The following AFDN variants were observed in gnomAD, a reference collection of about 807,000 sequenced individuals.
AFDN encodes the protein afadin, adherens junction formation factor.
In AFDN, 68 loss-of-function variants were observed where a neutral mutation model predicts 216.6. That is an observed-to-expected ratio of 0.31 (90% CI 0.26 to 0.38). The LOEUF is 0.38. Among genes scored for constraint, AFDN ranks in the 10% least tolerant of loss-of-function variants. The pLI, the probability that AFDN is intolerant of heterozygous loss-of-function variation, is 1.00. For missense variants in AFDN, 2,136 were observed against 2,342.0 expected (o/e 0.91, Z 1.82); for synonymous variants, 868 against 853.7 (o/e 1.02, Z -0.29).
chr6:167,871,793 CTAT>C (rs1347067675), intron 3 of AFDN, among the ~76,000 whole-genome samples: 1 of 152,120 alleles, frequency 6.6e-6, no homozygotes, highest in African/African-American at 2.4e-5. Context: ...GGCGATTTGT[CTAT>C]TATTCACTCT....
chr6:167,867,268 T>C (rs1372953756), intron 2 of AFDN, among the ~76,000 whole-genome samples: 1 of 152,228 alleles, frequency 6.6e-6, no homozygotes, highest in Non-Finnish European at 1.5e-5. Context: ...AATTTTGGTT[T>C]ATGGAAGGAA....
chr6:167,964,224 CT>C (rs1797312319), intron 31 of AFDN: 9 of 1,064,108 alleles, frequency 8.5e-6, no homozygotes, highest in Non-Finnish European at 1.0e-5. Context: ...ATGTCCAAAA[CT>C]CATGGGTTTG....
chr6:167,951,801 A>G lies in AFDN; in HGVS notation c.4447A>G (p.Thr1483Ala). ...KPSTLQRPQETVIRELQPQQQ... is the reference protein window; with the variant it reads ...KPSTLQRPQEAVIRELQPQQQ... The stretch of plus-strand genomic sequence containing the variant: ...TTCCACACTCCAGCGGCCACAGGAA[A>G]CAGTCATTCGGGAGCTGCAGCCTCA... The change falls in exon 30 of 34, where the codon ACA becomes GCA. Residue 1483 changes from threonine to alanine, a missense_variant. Around this residue, in one of 8 missense-constraint regions of AFDN, gnomAD observed 981 missense variants for 966.0 expected, o/e 1.02. Transcript: ENST00000683244. The surrounding 1 kb of genome is among the most constrained non-coding windows in gnomAD (Gnocchi z 7.1). 6.2e-7 allele frequency: 1 copy of G among 1,614,124 alleles called. No homozygotes were observed. Among genetic ancestry groups the G allele is most frequent in the Non-Finnish European group, 8.5e-7 (1 of 1,180,030 alleles).
intron 12 of AFDN, 74 bp downstream of exon 12, chr6:167,902,460 G>A: frequency 3.6e-6 from 4 of 1,110,342 alleles, no homozygotes; most frequent in Non-Finnish European, 5.4e-6. Context: ...TAGTGGTGGG[G>A]GATGTGTTCC....
chr6:167,954,981 G>A lies in AFDN; in HGVS notation c.4833+2794G>A, dbSNP rs1485439067. ...TATGTTTTCTTTAATAATATAACAT[G>A]GATTTTAATTCAGTTTATCAGCCAT... On this transcript the variant is annotated intron_variant, in intron 30 of 33. Transcript: ENST00000683244. Among the ~76,000 whole-genome samples the A allele has an allele frequency of 3.7e-5, 5 of 135,756 alleles. No individual in the cohort carries two copies. In the East Asian group the frequency reaches 9.3e-4, roughly 25 times the overall value. 89.1% of individuals were successfully genotyped at this position (135,756 alleles called of 152,430 possible). A position where few individuals can be genotyped will look rare whatever the true frequency, so the allele number is the denominator to read the frequency against.
intron 2 of AFDN, among the ~76,000 whole-genome samples, chr6:167,865,916 T>C (rs892806247): frequency 6.6e-6 from 1 of 152,126 alleles, no homozygotes; most frequent in African/African-American, 2.4e-5. Flanking sequence ...CAGTAGTATG[T>C]AAGTCAGGCC....
chr6:167,954,135 T>C (rs554430014), intron 30 of AFDN, among the ~76,000 whole-genome samples: 169 of 152,376 alleles, frequency 1.1e-3, no homozygotes, highest in Admixed American at 2.9e-3. Context: ...TATGAAAATT[T>C]AGTAAAAAAT....
chr6:167,944,130 G>A, intron 26 of AFDN, 71 bp downstream of exon 26: 1 of 1,200,688 alleles, frequency 8.3e-7, no homozygotes, highest in East Asian at 2.3e-5. Context: ...AACCCCCATG[G>A]AGGAGGTACT....
chr6:167,844,220 T>G (rs1405285099), intron 1 of AFDN, among the ~76,000 whole-genome samples: 1 of 133,932 alleles, frequency 7.5e-6, no homozygotes. Flanking sequence ...GTGTGTGTGT[T>G]TTGAGATGAG....
intron 1 of AFDN, among the ~76,000 whole-genome samples, chr6:167,834,457 G>GGT (rs1554275698): frequency 0.017 from 1,243 of 75,304 alleles, 13 homozygotes; most frequent in Non-Finnish European, 0.024. Context: ...TGTTGTTTCG[G>GGT]TTTTTTTTTT....
At position 167,864,872 on chromosome 6, in the gene AFDN, A is replaced by G. The variant is rs187948033; in HGVS notation, c.301+126A>G. ...CCATCTTTCTTCTCTTTTGGTGGGT[A>G]GGAGAGTAGCTGGCAGGCTGAGAAA... is the stretch of plus-strand genomic sequence containing the variant. On this transcript the variant is annotated intron_variant, in intron 2 of 33. Transcript: ENST00000683244. 269 of 1,004,294 alleles carry G rather than the reference A, an allele frequency of 2.7e-4. 4 individuals carry two copies. In the Middle Eastern group the frequency reaches 0.011, roughly 39 times the overall value. 62.2% of individuals were successfully genotyped at this position (1,004,294 alleles called of 1,614,324 possible). A position where few individuals can be genotyped will look rare whatever the true frequency, so the allele number is the denominator to read the frequency against.
At chr6:167,874,897 G>A (rs150244163) in intron 4 of AFDN, among the ~76,000 whole-genome samples, 1,683 of 152,250 alleles carry the variant, frequency 0.011, 38 homozygotes, top group African/African-American at 0.039. Context: ...TTATAGGCAT[G>A]AGCCATCATG....
At chr6:167,839,602 C>T (rs1780825666) in intron 1 of AFDN, among the ~76,000 whole-genome samples, 1 of 152,148 alleles carries the variant, frequency 6.6e-6, no homozygotes, top group Admixed American at 6.5e-5. Context: ...CGGTAACTGG[C>T]ACTGAGATCT....
rs760098434 is a variant in AFDN, at chr6:167,896,951, G to T, written c.1296G>T (p.Lys432Asn). 5.6e-6 allele frequency: 9 copies of T among 1,612,510 alleles called. No homozygotes were observed. The highest frequency in any genetic ancestry group is 7.6e-6 in the Non-Finnish European group (9 of 1,178,572). Residue 432 changes from lysine (K) to asparagine (N), a missense_variant, in exon 10 of 34, where the codon AAG becomes AAT. This residue lies in a region of AFDN where 817 missense variants were observed against 965.7 expected (regional missense o/e 0.85). Transcript: ENST00000683244. ...QLSVTEVGTE[K>N]LDDNSIQLFG... is the part of the protein sequence containing the mutation. ...GTGTTACTGAAGTTGGGACAGAAAA[G>T]TTGGATGACAACTCTATCCAGGTAC...
intron 1 of AFDN, among the ~76,000 whole-genome samples, chr6:167,840,291 T>A (rs890041282): frequency 6.6e-6 from 1 of 152,246 alleles, no homozygotes; most frequent in Non-Finnish European, 1.5e-5. Flanking sequence ...TGCAGGCCCA[T>A]TTTGTGGCTT....
intron 11 of AFDN, among the ~76,000 whole-genome samples, chr6:167,899,584 T>C (rs1358940247): frequency 6.6e-6 from 1 of 152,242 alleles, no homozygotes; most frequent in African/African-American, 2.4e-5. Context: ...AGTCATGATT[T>C]CATGCTTAGA....
intron 1 of AFDN, among the ~76,000 whole-genome samples, chr6:167,858,677 A>G (rs1359100914): frequency 6.6e-6 from 1 of 152,208 alleles, no homozygotes; most frequent in Non-Finnish European, 1.5e-5. Context: ...ATTTGATTTT[A>G]AAGACCACAT....
intron 1 of AFDN, among the ~76,000 whole-genome samples, chr6:167,830,649 C>G (rs1363409802): frequency 6.6e-6 from 1 of 152,186 alleles, no homozygotes; most frequent in Admixed American, 6.5e-5. Flanking sequence ...TTTATTGCCT[C>G]CTTCTTGCCC....
chr6:167,901,414 C>A (rs967268619), intron 11 of AFDN, among the ~76,000 whole-genome samples: 3 of 152,070 alleles, frequency 2.0e-5, no homozygotes, highest in South Asian at 2.1e-4. Context: ...TTAGACTCTT[C>A]AATCTTCATA....
Sources: gnomAD v4.1 joint callset for allele counts (sites outside exome capture counted in the v4.1 genomes callset) on GRCh38, gnomAD v4.1.1 for gene constraint, gnomAD v4.1.1 regional missense constraint, Gnocchi (gnomAD v3.1) non-coding constraint, MANE v1.5 for transcripts, NCBI Gene and HGNC (gene_info 2026-07-23, HGNC 2026-07-21) for gene names.